Variants in SMAD6 observed in about 807,000 individuals in gnomAD.
SMAD6 encodes MAD homolog 6.
A neutral mutation model predicts 39.4 loss-of-function variants in SMAD6; 103 were observed. The observed-to-expected ratio is 2.62, with a 90% CI of 2.23 to 3.08. The LOEUF is 3.08. Ranked by LOEUF, SMAD6 falls within the 30% of genes most tolerant of loss-of-function variation. SMAD6 has a pLI of 0.00. For synonymous variants in SMAD6, 445 were observed against 353.3 expected (o/e 1.26, Z -2.91); for missense variants, 1,104 against 742.9 (o/e 1.49, Z -5.65).
intron 3 of SMAD6, among the ~76,000 whole-genome samples, chr15:66,720,733 G>A (rs535205784): frequency 3.9e-5 from 6 of 152,334 alleles, no homozygotes; most frequent in Admixed American, 6.5e-5. Context: ...GGTCTAGCAC[G>A]GGGAAGGGGA....
At chr15:66,755,279 G>A (rs1046273335) in intron 3 of SMAD6, among the ~76,000 whole-genome samples, 1 of 152,160 alleles carries the variant, frequency 6.6e-6, no homozygotes, top group Non-Finnish European at 1.5e-5. Context: ...TTCACAGGAC[G>A]GTGCCAGGCA....
chr15:66,738,395 G>A (rs1458442816), intron 3 of SMAD6, among the ~76,000 whole-genome samples: 6 of 152,180 alleles, frequency 3.9e-5, no homozygotes, highest in African/African-American at 1.2e-4. Context: ...TCTCATACAC[G>A]AATCTGTTCG....
chr15:66,752,795 TAAA>T (rs1007398820), intron 3 of SMAD6, among the ~76,000 whole-genome samples: 7 of 149,040 alleles, frequency 4.7e-5, no homozygotes, highest in Non-Finnish European at 1.0e-4. Flanking sequence ...CCCATCTCTT[TAAA>T]AAAATAATAA....
chr15:66,711,314 C>T lies in SMAD6; in HGVS notation c.818-354C>T, dbSNP rs948939405. On this transcript the variant is annotated intron_variant, in intron 1 of 3. Transcript: ENST00000288840. ...TACTGTTTATGGAGGTGTTTTTGGA[C>T]AGGGCCAAGAGCTGCACTAAGCATT... Among the ~76,000 whole-genome samples, 29 of 152,184 alleles carry T rather than the reference C, an allele frequency of 1.9e-4. 1 individual carries two copies. Among genetic ancestry groups the T allele is most frequent in the African/African-American group, 6.5e-4 (27 of 41,434 alleles).
intron 3 of SMAD6, among the ~76,000 whole-genome samples, chr15:66,777,169 T>C (rs1400909214): frequency 6.6e-6 from 1 of 152,176 alleles, no homozygotes; most frequent in African/African-American, 2.4e-5. Flanking sequence ...ATACTCGAGC[T>C]CTGACGCCCT....
chr15:66,735,577 A>C (rs1180365674), intron 3 of SMAD6, among the ~76,000 whole-genome samples: 2 of 152,170 alleles, frequency 1.3e-5, no homozygotes, highest in Non-Finnish European at 2.9e-5. Context: ...TCAGATGCAC[A>C]AAGTTTATTG....
intron 3 of SMAD6, among the ~76,000 whole-genome samples, chr15:66,752,040 C>CTTT (rs34057337): frequency 4.9e-5 from 6 of 121,860 alleles, no homozygotes; most frequent in African/African-American, 1.2e-4. Context: ...TTAATGGCAC[C>CTTT]TTTTTTTTTT....
intron 3 of SMAD6, among the ~76,000 whole-genome samples, chr15:66,768,962 A>G (rs566153174): frequency 6.6e-6 from 1 of 152,274 alleles, no homozygotes; most frequent in Admixed American, 6.5e-5. Flanking sequence ...TTGACAGCAT[A>G]AATTTGAGTG....
intron 3 of SMAD6, among the ~76,000 whole-genome samples, chr15:66,744,607 A>G (rs964435114): frequency 6.6e-6 from 1 of 152,242 alleles, no homozygotes; most frequent in Non-Finnish European, 1.5e-5. Flanking sequence ...TGAACTCCTT[A>G]AAGTAAGGTT....
At chr15:66,711,403 A>G (rs891435602) in intron 1 of SMAD6, among the ~76,000 whole-genome samples, 1 of 152,200 alleles carries the variant, frequency 6.6e-6, no homozygotes, top group African/African-American at 2.4e-5. Flanking sequence ...TTTAGAGCTG[A>G]GGAAACAGGC....
chr15:66,742,501 C>A (rs1422198663), intron 3 of SMAD6, among the ~76,000 whole-genome samples: 1 of 152,114 alleles, frequency 6.6e-6, no homozygotes, highest in Non-Finnish European at 1.5e-5. Flanking sequence ...CCAGGACACT[C>A]ACCCTTGGGT....
chr15:66,753,909 C>T (rs553382196), intron 3 of SMAD6, among the ~76,000 whole-genome samples: 2 of 152,326 alleles, frequency 1.3e-5, no homozygotes, highest in Admixed American at 6.5e-5. Context: ...TGCCTGCCCT[C>T]GGAGGCCCCA....
In SMAD6 at chr15:66,703,642, CT is replaced by C; in HGVS notation, c.388del (p.Ser130ArgfsTer51). Reference protein sequence around the residue: ...SDCETVTCCLFSERDAAGAPR... With the variant: ...SDCETVTCCLXSERDAAGAPR... ...ACTGCGAGACGGTGACCTGCTGTCT[CT>C]TTTCGGAGCGGGACGCCGCCGGCGC... On this transcript the variant is annotated frameshift_variant, in exon 1 of 4. Transcript: ENST00000288840. LOFTEE classifies it high-confidence loss of function. The C allele has an allele frequency of 4.1e-6, 5 of 1,233,630 alleles. No individual in the cohort carries two copies. The highest frequency in any genetic ancestry group is 4.1e-6 in the Non-Finnish European group (4 of 987,170). 76.4% of individuals were successfully genotyped at this position (1,233,630 alleles called of 1,614,324 possible). A position where few individuals can be genotyped will look rare whatever the true frequency, so the allele number is the denominator to read the frequency against.
chr15:66,745,686 A>G (rs1195323558), intron 3 of SMAD6, among the ~76,000 whole-genome samples: 3 of 152,228 alleles, frequency 2.0e-5, no homozygotes, highest in African/African-American at 4.8e-5. Context: ...GTGGCCTGGC[A>G]TAAGACCCAG....
intron 3 of SMAD6, among the ~76,000 whole-genome samples, chr15:66,742,314 G>A (rs771619650): frequency 4.6e-5 from 7 of 152,040 alleles, no homozygotes; most frequent in Admixed American, 1.3e-4. Context: ...CCAATGTCTG[G>A]TTTCCCTCAG....
chr15:66,750,282 T>G (rs1460100704), intron 3 of SMAD6, among the ~76,000 whole-genome samples: 2 of 152,190 alleles, frequency 1.3e-5, no homozygotes, highest in Admixed American at 6.5e-5. Flanking sequence ...TGTGGGTATC[T>G]TCATAAACTG....
At chr15:66,780,422 C>A (rs1257041205) in intron 3 of SMAD6, among the ~76,000 whole-genome samples, 1 of 152,170 alleles carries the variant, frequency 6.6e-6, no homozygotes, top group East Asian at 1.9e-4. Flanking sequence ...TCAACCTCCC[C>A]CGCCATCCCC....
intron 3 of SMAD6, among the ~76,000 whole-genome samples, chr15:66,778,631 C>T (rs1285620269): frequency 6.6e-6 from 1 of 152,150 alleles, no homozygotes; most frequent in Non-Finnish European, 1.5e-5. Flanking sequence ...GTCATGCTTA[C>T]ATATAGGGAA....
At chr15:66,778,162 A>G (rs541888814) in intron 3 of SMAD6, among the ~76,000 whole-genome samples, 177 of 150,400 alleles carry the variant, frequency 1.2e-3, no homozygotes, top group Non-Finnish European at 2.1e-3. Context: ...TGTTCCCGGT[A>G]GCTTCAAACT....
Sources: allele counts gnomAD v4.1 joint callset (sites outside exome capture counted in the v4.1 genomes callset), GRCh38; gene constraint gnomAD v4.1.1; transcripts MANE v1.5; gene names NCBI Gene and HGNC (gene_info 2026-07-23, HGNC 2026-07-21).